Variants in PLXDC2 observed in about 807,000 individuals in gnomAD.
The protein encoded by PLXDC2 is plexin domain-containing protein 2.
PLXDC2 carries 40 observed loss-of-function variants against 68.9 expected under a neutral mutation model. The ratio of observed to expected loss-of-function variants is 0.58; its 90% confidence interval spans 0.45 to 0.76. The LOEUF (loss-of-function observed/expected upper bound fraction) is 0.76. Among genes scored for constraint, PLXDC2 ranks in the 30% least tolerant of loss-of-function variants. PLXDC2 has a pLI of 0.00. For synonymous variants in PLXDC2, 243 were observed against 234.2 expected, an observed-to-expected ratio of 1.04 and a Z score of -0.34; for missense variants, 644 against 661.9, an observed-to-expected ratio of 0.97 and a Z score of 0.30.
intron 1 of PLXDC2, among the ~76,000 whole-genome samples, chr10:19,835,489 A>G (rs1440188490): frequency 1.3e-5 from 2 of 152,232 alleles, no homozygotes; most frequent in African/African-American, 4.8e-5. Flanking sequence ...GGGACATACC[A>G]GTGAAGACAG....
chr10:19,854,037 C>G (rs1316439551), intron 1 of PLXDC2, among the ~76,000 whole-genome samples: 1 of 152,112 alleles, frequency 6.6e-6, no homozygotes, highest in Non-Finnish European at 1.5e-5. Flanking sequence ...GGAATCAGCA[C>G]AGAATGCTGG....
chr10:19,887,314 A>G (rs1044381339), intron 1 of PLXDC2, among the ~76,000 whole-genome samples: 1 of 152,172 alleles, frequency 6.6e-6, no homozygotes, highest in African/African-American at 2.4e-5. Context: ...TGAGGTTAGG[A>G]GTTCGAGACC....
chr10:20,145,807 C>A (rs892763754), intron 5 of PLXDC2, among the ~76,000 whole-genome samples: 1 of 152,092 alleles, frequency 6.6e-6, no homozygotes, highest in African/African-American at 2.4e-5. Context: ...CCTGCCTCGG[C>A]CTCTCAAAGT....
chr10:19,934,407 A>G (rs1235569314), intron 1 of PLXDC2, among the ~76,000 whole-genome samples: 1 of 152,200 alleles, frequency 6.6e-6, no homozygotes, highest in Non-Finnish European at 1.5e-5. Context: ...TGTAATGACC[A>G]CATTCATACC....
At chr10:19,839,912 C>A (rs1196232379) in intron 1 of PLXDC2, among the ~76,000 whole-genome samples, 1 of 152,120 alleles carries the variant, frequency 6.6e-6, no homozygotes, top group East Asian at 1.9e-4. Context: ...CCATTTAGAT[C>A]TTCAAACAAT....
At chr10:20,097,018 T>C (rs1365171353) in intron 4 of PLXDC2, among the ~76,000 whole-genome samples, 2 of 152,166 alleles carry the variant, frequency 1.3e-5, no homozygotes, top group Non-Finnish European at 2.9e-5. Context: ...ATCTATCTAT[T>C]CATTTCTGTC....
chr10:19,842,728 G>A (rs1482709023), intron 1 of PLXDC2, among the ~76,000 whole-genome samples: 1 of 152,194 alleles, frequency 6.6e-6, no homozygotes, highest in Non-Finnish European at 1.5e-5. Context: ...AAATTTAGAA[G>A]AAGGATGTAG....
intron 9 of PLXDC2, among the ~76,000 whole-genome samples, chr10:20,179,720 G>T (rs538493979): frequency 2.0e-5 from 3 of 152,048 alleles, no homozygotes; most frequent in Non-Finnish European, 4.4e-5. Flanking sequence ...CTGCAAGTTG[G>T]AATCTGCTTC....
chr10:20,205,200 T>C (rs1834975215), intron 9 of PLXDC2, among the ~76,000 whole-genome samples: 1 of 152,136 alleles, frequency 6.6e-6, no homozygotes, highest in African/African-American at 2.4e-5. Flanking sequence ...TAGGCTGCCT[T>C]ATTTAATGGA....
intron 2 of PLXDC2, among the ~76,000 whole-genome samples, chr10:20,042,864 A>G (rs928013272): frequency 6.6e-6 from 1 of 152,144 alleles, no homozygotes; most frequent in Non-Finnish European, 1.5e-5. Flanking sequence ...TTTTCGAGAA[A>G]CATGGATTTA....
chr10:20,174,146 C>T (rs554249423), intron 7 of PLXDC2, among the ~76,000 whole-genome samples: 519 of 24,220 alleles, frequency 0.021, 2 homozygotes, highest in African/African-American at 0.054. Flanking sequence ...TGTGCAAAGA[C>T]TCAAGAACCC....
intron 2 of PLXDC2, among the ~76,000 whole-genome samples, chr10:20,041,470 T>C (rs751155786): frequency 7.9e-5 from 12 of 152,218 alleles, no homozygotes; most frequent in Admixed American, 2.0e-4. Flanking sequence ...GTTTAATCTA[T>C]TGAAAACCTC....
intron 1 of PLXDC2, among the ~76,000 whole-genome samples, chr10:19,952,107 T>C (rs1834001309): frequency 6.6e-6 from 1 of 152,122 alleles, no homozygotes; most frequent in African/African-American, 2.4e-5. Flanking sequence ...CCATATACCC[T>C]TGTAGCAATC....
chr10:20,270,753 C>A (rs943884202), intron 13 of PLXDC2, among the ~76,000 whole-genome samples: 10 of 151,856 alleles, frequency 6.6e-5, no homozygotes, highest in Admixed American at 2.6e-4. Flanking sequence ...CCATGTTGGC[C>A]TCAGGTAATC....
At chr10:20,005,884 C>T (rs112437579) in intron 2 of PLXDC2, among the ~76,000 whole-genome samples, 1 of 152,100 alleles carries the variant, frequency 6.6e-6, no homozygotes, top group African/African-American at 2.4e-5. Flanking sequence ...TTTACGTATC[C>T]TGGCTCTTGA....
At chr10:19,980,993 C>T (rs1834541752) in intron 1 of PLXDC2, among the ~76,000 whole-genome samples, 1 of 152,132 alleles carries the variant, frequency 6.6e-6, no homozygotes, top group South Asian at 2.1e-4. Flanking sequence ...ATCAGTTTTA[C>T]CTCTTTATTT....
At chr10:19,848,123 C>T (rs1359898171) in intron 1 of PLXDC2, among the ~76,000 whole-genome samples, 1 of 151,886 alleles carries the variant, frequency 6.6e-6, no homozygotes, top group East Asian at 1.9e-4. Flanking sequence ...ACTTTGAGAC[C>T]CCATCTCTAT....
intron 9 of PLXDC2, among the ~76,000 whole-genome samples, chr10:20,185,317 G>T (rs1302016416): frequency 6.6e-6 from 1 of 151,840 alleles, no homozygotes; most frequent in African/African-American, 2.4e-5. Context: ...AATGTGTCAG[G>T]CTCCTGAAGA....
intron 13 of PLXDC2, among the ~76,000 whole-genome samples, chr10:20,247,112 A>G (rs1294816507): frequency 6.6e-6 from 1 of 151,958 alleles, no homozygotes; most frequent in East Asian, 1.9e-4. Flanking sequence ...GTCTCTGTAC[A>G]CAGCCCAAAT....
Sources: gnomAD v4.1 joint callset for allele counts (sites outside exome capture counted in the v4.1 genomes callset) on GRCh38, gnomAD v4.1.1 for gene constraint, MANE v1.5 for transcripts, NCBI Gene and HGNC (gene_info 2026-07-23, HGNC 2026-07-21) for gene names.